ANKS6: variants seen among roughly 807,000 people sequenced by gnomAD.
ANKS6 encodes the protein ankyrin repeat and sterile alpha motif domain containing 6, also known as ankyrin repeat and SAM domain-containing protein 6.
In ANKS6, 47 loss-of-function variants were observed where a neutral mutation model predicts 77.9. That is an observed-to-expected ratio of 0.60 (90% CI 0.48 to 0.77). The LOEUF is 0.77. ANKS6 is among the 30% of genes least tolerant of loss of function. The probability of loss-of-function intolerance (pLI) is 0.00; values close to 1 mark genes in which losing one functional copy is unlikely to be tolerated. For synonymous variants in ANKS6, 488 were observed against 501.7 expected (o/e 0.97, Z 0.37); for missense variants, 1,150 against 1,159.1 (o/e 0.99, Z 0.11).
intron 10 of ANKS6, 98 bp from the exon 11 acceptor site, chr9:98,768,348 C>T: frequency 7.1e-7 from 1 of 1,418,392 alleles, no homozygotes; most frequent in East Asian, 2.3e-5. Context: ...TGGAGCCAGT[C>T]TCCCAGACTC....
intron 2 of ANKS6, among the ~76,000 whole-genome samples, chr9:98,787,266 T>G (rs1441246443): frequency 1.3e-5 from 2 of 152,110 alleles, no homozygotes; most frequent in Non-Finnish European, 2.9e-5. Flanking sequence ...CCTCAGGTCC[T>G]GCATGTCTGC....
At chr9:98,775,882 G>C (rs1044473867) in intron 8 of ANKS6, among the ~76,000 whole-genome samples, 1 of 152,186 alleles carries the variant, frequency 6.6e-6, no homozygotes, top group African/African-American at 2.4e-5. Context: ...CCCACAGTCA[G>C]TGTTCGAGCC....
At chr9:98,781,982 A>T (rs994201943) in intron 5 of ANKS6, among the ~76,000 whole-genome samples, 1 of 152,198 alleles carries the variant, frequency 6.6e-6, no homozygotes. Flanking sequence ...AGCAGGTACC[A>T]GCCGAGGCCA....
In ANKS6 at chr9:98,768,241, A is replaced by G; in HGVS notation, c.1982T>C (p.Ile661Thr). The G allele has an allele frequency of 6.2e-7, 1 of 1,614,064 alleles. No individual in the cohort carries two copies. Among genetic ancestry groups the G allele is most frequent in the South Asian group, 1.1e-5 (1 of 91,078 alleles). Residue 661 changes from isoleucine to threonine, a missense_variant, in exon 11 of 15, where the codon ATA becomes ACA. Transcript: ENST00000353234. ...GELLNRSGGS[I>T]DNVLSQIAAQ... ...AGCGATTTGGGACAAGACATTGTCT[A>G]TGCTGCCACCTGAGGAAACACAAAA... is the stretch of plus-strand genomic sequence containing the variant.
chr9:98,778,176 C>T, intron 7 of ANKS6, 50 bp downstream of exon 7: 1 of 1,594,366 alleles, frequency 6.3e-7, no homozygotes, highest in South Asian at 1.1e-5. Flanking sequence ...GCAGAGGGTA[C>T]AGGCTCAGAC....
chr9:98,763,256 T>C (rs978862873), intron 11 of ANKS6, among the ~76,000 whole-genome samples: 2 of 151,824 alleles, frequency 1.3e-5, no homozygotes, highest in African/African-American at 4.8e-5. Context: ...GGGCACAAAA[T>C]AGACCTCAAA....
At position 98,732,197 on chromosome 9, in the gene ANKS6, G is replaced by T. The variant is rs1831239117; in HGVS notation, c.*4322C>A. On this transcript the variant is annotated 3_prime_UTR_variant, in exon 15 of 15. Coordinates refer to ENST00000353234, the MANE Select transcript of ANKS6 (RefSeq NM_173551.5). ...TGGCTGCAGAATTCTCCCAGGAAGGGTCCCGGGCTCTTCAGGAGGCATTTA... is the reference window on the plus strand; with the variant it reads ...TGGCTGCAGAATTCTCCCAGGAAGGTTCCCGGGCTCTTCAGGAGGCATTTA... The T allele has an allele frequency of 4.8e-6, 2 of 416,696 alleles. No homozygotes were observed. The highest frequency in any genetic ancestry group is 8.7e-6 in the Non-Finnish European group (2 of 229,940). The allele number at this position is 416,696 out of a possible 1,614,324, so 25.8% of individuals were successfully genotyped here. A position where few individuals can be genotyped will look rare whatever the true frequency, so the allele number is the denominator to read the frequency against.
rs1252670035 is a variant in ANKS6 at position 98,791,645 on chromosome 9, C to T, written c.360-1039G>A. On this transcript the variant is annotated intron_variant, in intron 1 of 14. Coordinates refer to ENST00000353234, the MANE Select transcript of ANKS6 (RefSeq NM_173551.5). The surrounding 1 kb of genome is among the most constrained non-coding windows in gnomAD (Gnocchi z 4.3). ...ACAGGGGCTGTCTACTCCAGGTTTT[C>T]GAGACCACAAAGCCACTGTCATGTC... is the stretch of plus-strand genomic sequence containing the variant. Among the ~76,000 whole-genome samples, 2 of 152,264 alleles carry T rather than the reference C, an allele frequency of 1.3e-5. No homozygotes were observed. The highest frequency in any genetic ancestry group is 2.4e-5 in the African/African-American group (1 of 41,566).
At chr9:98,748,456 C>T (rs1588333832) in intron 13 of ANKS6, among the ~76,000 whole-genome samples, 1 of 152,162 alleles carries the variant, frequency 6.6e-6, no homozygotes, top group East Asian at 1.9e-4. Context: ...ACAGTTAAAA[C>T]ATATTTCTTA....
At chr9:98,753,483 C>T (rs1588343758) in intron 12 of ANKS6, among the ~76,000 whole-genome samples, 1 of 152,160 alleles carries the variant, frequency 6.6e-6, no homozygotes, top group Admixed American at 6.5e-5. Context: ...CCCATCACTG[C>T]CTAGATTACA....
In ANKS6 at chr9:98,756,618, A is replaced by G. The variant is rs376048873; in HGVS notation, c.2143-15T>C. The G allele has an allele frequency of 4.9e-4, 740 of 1,499,468 alleles. No homozygotes were observed. The highest frequency in any genetic ancestry group is 6.1e-4 in the Non-Finnish European group (689 of 1,126,340). 92.9% of individuals were successfully genotyped at this position (1,499,468 alleles called of 1,614,324 possible). A position where few individuals can be genotyped will look rare whatever the true frequency, so the allele number is the denominator to read the frequency against. The stretch of plus-strand genomic sequence containing the variant: ...GTCTCCAATTTCTGCTGAACAGAGT[A>G]AGACAAATACATAAGCCATCACCTG... On this transcript the variant is annotated splice_polypyrimidine_tract_variant and intron_variant, in intron 11 of 14. Coordinates refer to ENST00000353234, the MANE Select transcript of ANKS6 (RefSeq NM_173551.5).
At chr9:98,748,473 T>G (rs1408765163) in intron 13 of ANKS6, among the ~76,000 whole-genome samples, 1 of 152,210 alleles carries the variant, frequency 6.6e-6, no homozygotes, top group African/African-American at 2.4e-5. Flanking sequence ...CTTAGTTTCT[T>G]TTGCAGTTAA....
At chr9:98,754,947 C>T (rs996753236) in intron 12 of ANKS6, among the ~76,000 whole-genome samples, 8 of 152,306 alleles carry the variant, frequency 5.3e-5, no homozygotes, top group East Asian at 1.9e-4. Context: ...AAATACCTAA[C>T]TGAATCTCTA....
Position 98,791,845 on chromosome 9 carries a change from A to G in ANKS6, c.360-1239T>C, listed in dbSNP as rs7036924. On this transcript the variant is annotated intron_variant, in intron 1 of 14. Coordinates refer to ENST00000353234, the MANE Select transcript of ANKS6 (RefSeq NM_173551.5). The surrounding 1 kb of genome is among the most constrained non-coding windows in gnomAD (Gnocchi z 4.3). ...TACCTTCTGGGATGTGAACCTGAAC[A>G]GCATGGGGCTACTCAGCCACGAAGC... 5.3e-4 allele frequency among the ~76,000 whole-genome samples: 81 copies of G among 152,234 alleles called. No individual in the cohort carries two copies. The highest frequency in any genetic ancestry group is 1.8e-3 in the African/African-American group (73 of 41,542).
Position 98,795,045 on chromosome 9 carries a change from G to A in ANKS6, c.359+1088C>T, listed in dbSNP as rs78673315. Among the ~76,000 whole-genome samples, 796 of 152,250 alleles carry A rather than the reference G, an allele frequency of 5.2e-3. 6 individuals carry two copies. Among genetic ancestry groups the A allele is most frequent in the South Asian group, 0.024 (114 of 4,824 alleles). On this transcript the variant is annotated intron_variant, in intron 1 of 14. Transcript: ENST00000353234. ...TGCTGCGGAGGGACCAGAGAACAGG[G>A]AGATATCATGGCAGGCTTCACAGAA... is the stretch of plus-strand genomic sequence containing the variant.
At chr9:98,785,618 C>T (rs923454266) in intron 2 of ANKS6, among the ~76,000 whole-genome samples, 2 of 152,182 alleles carry the variant, frequency 1.3e-5, no homozygotes, top group African/African-American at 4.8e-5. Flanking sequence ...GTACCCCATT[C>T]CTGTCAGAGC....
At position 98,746,328 on chromosome 9, in the gene ANKS6, A is replaced by G. The variant is rs1437110453; in HGVS notation, c.2395-653T>C. On this transcript the variant is annotated intron_variant, in intron 13 of 14. Coordinates refer to ENST00000353234, the MANE Select transcript of ANKS6 (RefSeq NM_173551.5). ...GGAGGGAAGGTCAGAAGTGGCTCCA[A>G]TGAAGCAAGCACACCCATCACCTTG... Among the ~76,000 whole-genome samples the G allele has an allele frequency of 2.0e-5, 3 of 152,254 alleles. No homozygotes were observed. In the East Asian group the frequency reaches 5.8e-4, roughly 29 times the overall value.
intron 9 of ANKS6, among the ~76,000 whole-genome samples, chr9:98,772,946 G>C (rs1833717033): frequency 6.6e-6 from 1 of 152,202 alleles, no homozygotes; most frequent in African/African-American, 2.4e-5. Flanking sequence ...GAATGGGGCT[G>C]ACTGGGCTAC....
rs1490694111 is a variant in ANKS6 at position 98,736,621 on chromosome 9, T to A, written c.2514A>T (p.Gly838=). Residue 838 remains glycine, a splice_region_variant and synonymous_variant, in exon 15 of 15, where the codon GGA becomes GGT. Transcript: ENST00000353234. The part of the protein sequence containing the change: ...AAISELNAGK[G]RERQILQETI... ...TTTCCTGTAAAATTTGTCTCTCGCGTCCCTGTGGAGGAAATTGAAAACAGA... is the reference window on the plus strand; with the variant it reads ...TTTCCTGTAAAATTTGTCTCTCGCGACCCTGTGGAGGAAATTGAAAACAGA... The A allele has an allele frequency of 6.2e-7, 1 of 1,606,742 alleles. No homozygotes were observed.
Sources: allele counts gnomAD v4.1 joint callset (sites outside exome capture counted in the v4.1 genomes callset), GRCh38; gene constraint gnomAD v4.1.1; non-coding constraint Gnocchi (gnomAD v3.1); transcripts MANE v1.5; gene names NCBI Gene and HGNC (gene_info 2026-07-23, HGNC 2026-07-21).